Variants in CFAP99 observed in about 807,000 individuals in gnomAD.
CFAP99 encodes the protein cilia- and flagella-associated protein 99.
Under a neutral mutation model 82.7 loss-of-function variants are expected in CFAP99, and 84 were observed. The observed-to-expected ratio is 1.02, with a 90% CI of 0.85 to 1.22. The LOEUF (loss-of-function observed/expected upper bound fraction) is 1.22. CFAP99 is among the 50% of genes most tolerant of loss of function. CFAP99 has a pLI of 0.00. For missense variants in CFAP99, 1,059 were observed against 983.5 expected (o/e 1.08, Z -1.03); for synonymous variants, 456 against 429.5 (o/e 1.06, Z -0.76).
chr4:2,460,210 C>T, exon 14 of CFAP99: 3 of 1,536,092 alleles, frequency 2.0e-6, no homozygotes, highest in Non-Finnish European at 2.6e-6. Context: ...TCTCGCTGTG[C>T]CGTGCAGCCA....
intron 4 of CFAP99, 41 bp downstream of exon 4, chr4:2,438,205 G>A (rs1308702): frequency 0.18 from 204,988 of 1,168,332 alleles, 19,165 homozygotes; most frequent in East Asian, 0.34. Context: ...CGAGGCCCAC[G>A]GGTGAGGTCC....
chr4:2,438,423 C>T (rs1254705448), intron 4 of CFAP99, among the ~76,000 whole-genome samples: 2 of 152,102 alleles, frequency 1.3e-5, no homozygotes, highest in Non-Finnish European at 2.9e-5. Context: ...CCACCACACC[C>T]GGCTATTTTT....
At chr4:2,447,041 C>T (rs1254819477) in intron 6 of CFAP99, among the ~76,000 whole-genome samples, 1 of 146,858 alleles carries the variant, frequency 6.8e-6, no homozygotes, top group African/African-American at 2.5e-5. Flanking sequence ...GATGGTTGGA[C>T]TCATGGAAGG....
chr4:2,422,769 A>G (rs1398491788), intron 1 of CFAP99, among the ~76,000 whole-genome samples: 1 of 152,198 alleles, frequency 6.6e-6, no homozygotes, highest in African/African-American at 2.4e-5. Flanking sequence ...AGGCAGGGCA[A>G]GAAAACTCAC....
In CFAP99 at chr4:2,446,838, T is replaced by TGGAC. The variant is rs1553874637; in HGVS notation, c.642+1531_642+1532insGACG. 5.5e-3 allele frequency among the ~76,000 whole-genome samples: 829 copies of TGGAC among 149,978 alleles called. 5 individuals are homozygous for TGGAC. Among genetic ancestry groups the TGGAC allele is most frequent in the Non-Finnish European group, 7.8e-3 (525 of 67,376 alleles). On this transcript the variant is annotated intron_variant, in intron 6 of 14. Coordinates refer to ENST00000635017, the Ensembl canonical transcript of CFAP99. The surrounding 1 kb of genome is among the most constrained non-coding windows in gnomAD (Gnocchi z 5.0). ...ATGAATGGATGGATGGATGGATGGATGATTGGATTGGTGAATGGATAGATG... is the reference window on the plus strand; with the variant it reads ...ATGAATGGATGGATGGATGGATGGATGGACGATTGGATTGGTGAATGGATAGATG...
chr4:2,459,754 G>T (rs1423021217), intron 13 of CFAP99, among the ~76,000 whole-genome samples: 1 of 152,226 alleles, frequency 6.6e-6, no homozygotes, highest in East Asian at 1.9e-4. Context: ...ACGGCTGTCT[G>T]CCCCAGGCCC....
chr4:2,445,075 C>T (rs1401723451), intron 5 of CFAP99, 56 bp from the exon 6 acceptor site: 38 of 1,212,774 alleles, frequency 3.1e-5, no homozygotes, highest in Non-Finnish European at 3.7e-5. Flanking sequence ...AGGCCATCGC[C>T]TTATTGAACA....
At position 2,462,409 on chromosome 4, in the gene CFAP99, G is replaced by A. The variant is rs758212916; in HGVS notation, c.1662-34G>A. ...CTGGGTCTGGCCTGGGCCTCCCGCC[G>A]GCCTGCTCCTGAGCCCGCCGCGTCG... On this transcript the variant is annotated intron_variant, in intron 14 of 14. Transcript: ENST00000635017. The surrounding 1 kb of genome is among the most constrained non-coding windows in gnomAD (Gnocchi z 4.1). 13 of 1,401,076 alleles carry A rather than the reference G, an allele frequency of 9.3e-6. No individual in the cohort carries two copies. Among genetic ancestry groups the A allele is most frequent in the Non-Finnish European group, 1.2e-5 (13 of 1,091,110 alleles). 86.8% of individuals were successfully genotyped at this position (1,401,076 alleles called of 1,614,324 possible). A position where few individuals can be genotyped will look rare whatever the true frequency, so the allele number is the denominator to read the frequency against.
At chr4:2,451,101 G>A in intron 9 of CFAP99, 83 bp downstream of exon 9, 1 of 1,463,170 alleles carries the variant, frequency 6.8e-7, no homozygotes, top group Admixed American at 2.0e-5. Context: ...AGGCTCAGAT[G>A]ACCTGAGCTG....
At chr4:2,443,204 A>C in exon 5 of CFAP99, 2 of 1,535,594 alleles carry the variant, frequency 1.3e-6, no homozygotes, top group South Asian at 2.4e-5. Flanking sequence ...TCTACGAGCC[A>C]GCCCACGTGA....
Position 2,445,111 on chromosome 4 carries a change from T to G in CFAP99, c.465-20T>G. ...GCTTAGGGAGTGACCATAAGAGGTG[T>G]TTCCACTTTTGCCTTCAAGATGGCA... On this transcript the variant is annotated intron_variant, in intron 5 of 14. Transcript: ENST00000635017. 1 of 1,322,370 alleles carries G rather than the reference T, an allele frequency of 7.6e-7. No homozygotes were observed. The highest frequency in any genetic ancestry group is 1.5e-5 in the African/African-American group (1 of 65,594). The allele number at this position is 1,322,370 out of a possible 1,614,324, so 81.9% of individuals were successfully genotyped here.
At chr4:2,458,728 C>T (rs1037355590) in exon 12 of CFAP99, 2 of 1,533,226 alleles carry the variant, frequency 1.3e-6, no homozygotes, top group African/African-American at 2.7e-5. Flanking sequence ...GGCAGATGGC[C>T]AAGCTGATGC....
chr4:2,447,913 GTGAA>G (rs60405195), intron 6 of CFAP99, among the ~76,000 whole-genome samples: 29,015 of 143,162 alleles, frequency 0.2, 3,044 homozygotes, highest in South Asian at 0.28. Context: ...GAATGAGTGG[GTGAA>G]TGAATGGATG....
chr4:2,460,944 G>A (rs923053873), intron 14 of CFAP99, among the ~76,000 whole-genome samples: 4 of 152,082 alleles, frequency 2.6e-5, no homozygotes, highest in Admixed American at 1.3e-4. Context: ...TCACCATGTT[G>A]GCCAAGATGG....
rs755220388 is a variant in CFAP99 at position 2,448,764 on chromosome 4, G to A, written c.643-906G>A. Among the ~76,000 whole-genome samples the A allele has an allele frequency of 1.1e-4, 16 of 152,338 alleles. No individual in the cohort carries two copies. The highest frequency in any genetic ancestry group is 1.6e-4 in the Non-Finnish European group (11 of 68,028). On this transcript the variant is annotated intron_variant, in intron 6 of 14. Transcript: ENST00000635017. The surrounding 1 kb of genome is among the most constrained non-coding windows in gnomAD (Gnocchi z 5.2). ...CAGGGAAGAGGGAAGGCGGGGTACC[G>A]GTCTGGTCACACATCCACTGGAGGG...
At position 2,462,788 on chromosome 4, in the gene CFAP99, C is replaced by T; in HGVS notation, c.2007C>T (p.Ala669=). 1 of 1,284,658 alleles carries T rather than the reference C, an allele frequency of 7.8e-7. No homozygotes were observed. 79.6% of individuals were successfully genotyped at this position (1,284,658 alleles called of 1,614,324 possible). The stretch of plus-strand genomic sequence containing the variant: ...GCGGTGGGGGCGTCCCTGCCCGCGC[C>T]GACGCGTTCCCCGGCCTGCAGGCGC... Residue 669 remains alanine, a synonymous_variant, in exon 15 of 15, where the codon GCC becomes GCT. Transcript: ENST00000635017. The surrounding 1 kb of genome is among the most constrained non-coding windows in gnomAD (Gnocchi z 4.1).
At chr4:2,454,582 TTTTTTTTTTTTG>T (rs1734381583) in intron 11 of CFAP99, among the ~76,000 whole-genome samples, 1 of 46,144 alleles carries the variant, frequency 2.2e-5, no homozygotes, top group Non-Finnish European at 5.1e-5. Context: ...GTTTTTTTTC[TTTTTTTTTTTTG>T]TTTTTTTTTT....
chr4:2,454,581 C>CTTTTTTTTTTTTTT (rs200727697), intron 11 of CFAP99, among the ~76,000 whole-genome samples: 1 of 94,720 alleles, frequency 1.1e-5, no homozygotes, highest in Non-Finnish European at 2.1e-5. Flanking sequence ...TGTTTTTTTT[C>CTTTTTTTTTTTTTT]TTTTTTTTTT....
chr4:2,424,677 CCAGT>C (rs1320323665), intron 1 of CFAP99, among the ~76,000 whole-genome samples: 3 of 152,326 alleles, frequency 2.0e-5, no homozygotes, highest in Admixed American at 6.5e-5. Context: ...GTCCTGCCAG[CCAGT>C]GTCACCTTGG....
Sources: gnomAD v4.1 joint callset for allele counts (sites outside exome capture counted in the v4.1 genomes callset) on GRCh38, gnomAD v4.1.1 for gene constraint, Gnocchi (gnomAD v3.1) non-coding constraint, MANE v1.5 for transcripts, NCBI Gene and HGNC (gene_info 2026-07-23, HGNC 2026-07-21) for gene names.